The following DTNB variants were observed in gnomAD, a reference collection of about 807,000 sequenced individuals.
The protein encoded by DTNB is dystrobrevin beta.
DTNB carries 63 observed loss-of-function variants against 90.7 expected under a neutral mutation model. The observed-to-expected ratio is 0.69, with a 90% CI of 0.57 to 0.86. The LOEUF (loss-of-function observed/expected upper bound fraction) is 0.86. DTNB is among the 40% of genes least tolerant of loss of function. The pLI, the probability that DTNB is intolerant of heterozygous loss-of-function variation, is 0.00. For missense variants in DTNB, 744 were observed against 807.1 expected, an observed-to-expected ratio of 0.92 and a Z score of 0.95; for synonymous variants, 277 against 286.7, an observed-to-expected ratio of 0.97 and a Z score of 0.34.
At chr2:25,603,114 TA>T (rs1451847737) in intron 5 of DTNB, among the ~76,000 whole-genome samples, 1 of 152,216 alleles carries the variant, frequency 6.6e-6, no homozygotes, top group Non-Finnish European at 1.5e-5. Context: ...TAACGAATTT[TA>T]AAATAAATTT....
chr2:25,634,363 G>C (rs1288598369), intron 3 of DTNB, among the ~76,000 whole-genome samples: 1 of 124,222 alleles, frequency 8.1e-6, no homozygotes, highest in Non-Finnish European at 1.8e-5. Flanking sequence ...CCGGCCAGCC[G>C]CCCCGTCCGG....
At chr2:25,638,234 G>C (rs2148824367) in intron 3 of DTNB, among the ~76,000 whole-genome samples, 1 of 152,318 alleles carries the variant, frequency 6.6e-6, no homozygotes. Flanking sequence ...GGGAGGGATA[G>C]CATTAGGAGA....
At position 25,526,386 on chromosome 2, in the gene DTNB, TATATATATA is replaced by T. The variant is rs376223631; in HGVS notation, c.1001+5078_1001+5086del. ...AAATATATATATATATATATATATA[TATATATATA>T]TTTTTTTTTTTTTAATTGAGACAGA... On this transcript the variant is annotated intron_variant, in intron 9 of 20. Coordinates refer to ENST00000406818, the MANE Select transcript of DTNB (RefSeq NM_021907.5). 1.6e-3 allele frequency among the ~76,000 whole-genome samples: 89 copies of T among 56,060 alleles called. 2 individuals are homozygous for T. Among genetic ancestry groups the T allele is most frequent in the African/African-American group, 7.0e-3 (72 of 10,272 alleles). 36.8% of individuals were successfully genotyped at this position (56,060 alleles called of 152,430 possible). A position where few individuals can be genotyped will look rare whatever the true frequency, so the allele number is the denominator to read the frequency against.
chr2:25,432,482 C>T (rs1476596246), intron 14 of DTNB, among the ~76,000 whole-genome samples: 1 of 152,170 alleles, frequency 6.6e-6, no homozygotes, highest in Non-Finnish European at 1.5e-5. Context: ...TCGGCAGAGC[C>T]CTGCATTGAC....
intron 16 of DTNB, among the ~76,000 whole-genome samples, chr2:25,395,060 T>A (rs1301169764): frequency 6.6e-6 from 1 of 152,186 alleles, no homozygotes; most frequent in Non-Finnish European, 1.5e-5. Flanking sequence ...TAAAAAAGAA[T>A]GAAATAATGG....
intron 6 of DTNB, 22 bp from the exon 7 acceptor site, chr2:25,580,848 A>C (rs1309457074): frequency 1.1e-5 from 18 of 1,592,108 alleles, no homozygotes; most frequent in Non-Finnish European, 1.5e-5. Flanking sequence ...AGAAAAACAA[A>C]CATACTTTAA....
intron 1 of DTNB, among the ~76,000 whole-genome samples, chr2:25,669,074 A>G (rs779590647): frequency 6.6e-6 from 1 of 152,192 alleles, no homozygotes; most frequent in Non-Finnish European, 1.5e-5. Flanking sequence ...AGAGTAGTCG[A>G]ATTCATAGAG....
rs2063964553 is a variant in DTNB at position 25,477,504 on chromosome 2, T to C, written c.1079+5292A>G. ...AAATCTCGCCTTTACCTAAAAGTGC[T>C]AGCAATTAGGACTACTCAGGATTAT... On this transcript the variant is annotated intron_variant, in intron 10 of 20. Transcript: ENST00000406818. 3.3e-5 allele frequency among the ~76,000 whole-genome samples: 5 copies of C among 152,238 alleles called. No individual in the cohort carries two copies. The South Asian group carries it at 1.0e-3, about 31-fold the overall frequency.
intron 12 of DTNB, among the ~76,000 whole-genome samples, chr2:25,449,172 A>G (rs2058888962): frequency 1.3e-5 from 2 of 152,310 alleles, no homozygotes; most frequent in South Asian, 2.1e-4. Context: ...TGCATGTATC[A>G]ATGTTATTCC....
At chr2:25,614,088 C>T (rs531761224) in intron 4 of DTNB, among the ~76,000 whole-genome samples, 244 of 152,198 alleles carry the variant, frequency 1.6e-3, no homozygotes, top group Non-Finnish European at 2.1e-3. Context: ...GAGAGAAAGG[C>T]GATACGACCA....
intron 1 of DTNB, chr2:25,653,126 G>A (rs2081289488): frequency 6.6e-6 from 1 of 152,574 alleles, no homozygotes; most frequent in Admixed American, 6.5e-5. Context: ...AAAGAAATCA[G>A]GTATTAATCC....
intron 2 of DTNB, among the ~76,000 whole-genome samples, chr2:25,646,806 A>G (rs1020415370): frequency 6.6e-6 from 1 of 152,230 alleles, no homozygotes; most frequent in African/African-American, 2.4e-5. Flanking sequence ...TACCTTGGGC[A>G]CATGTTCTCA....
chr2:25,413,496 ATGAG>A (rs1337414090), intron 16 of DTNB, among the ~76,000 whole-genome samples: 3 of 140,566 alleles, frequency 2.1e-5, no homozygotes, highest in African/African-American at 8.0e-5. Context: ...ATTCCCACCT[ATGAG>A]TGAGAACATG....
At chr2:25,596,715 T>C (rs2064736123) in intron 5 of DTNB, among the ~76,000 whole-genome samples, 1 of 152,214 alleles carries the variant, frequency 6.6e-6, no homozygotes, top group South Asian at 2.1e-4. Context: ...GATGATGTAA[T>C]GCATGCCTGT....
chr2:25,521,084 G>A (rs2076050974), intron 9 of DTNB, among the ~76,000 whole-genome samples: 1 of 152,228 alleles, frequency 6.6e-6, no homozygotes, highest in Admixed American at 6.5e-5. Context: ...AATTTTATCT[G>A]AGTCCTTCAG....
intron 12 of DTNB, among the ~76,000 whole-genome samples, chr2:25,446,381 C>T (rs1323036540): frequency 6.6e-6 from 1 of 152,046 alleles, no homozygotes; most frequent in Non-Finnish European, 1.5e-5. Flanking sequence ...TGACTACAGG[C>T]ACATGCCACC....
intron 8 of DTNB, among the ~76,000 whole-genome samples, chr2:25,572,962 T>C (rs1241431741): frequency 2.0e-5 from 3 of 151,548 alleles, no homozygotes; most frequent in Non-Finnish European, 2.9e-5. Context: ...TTTTTTGAGA[T>C]GGAGTTTCAC....
chr2:25,668,683 A>T (rs980955870), intron 1 of DTNB, among the ~76,000 whole-genome samples: 2 of 151,814 alleles, frequency 1.3e-5, no homozygotes, highest in Non-Finnish European at 2.9e-5. Context: ...GAAACTCCAT[A>T]CTATTCAGCC....
chr2:25,540,178 C>T (rs1468769113), intron 8 of DTNB, among the ~76,000 whole-genome samples: 3 of 152,090 alleles, frequency 2.0e-5, no homozygotes, highest in Non-Finnish European at 4.4e-5. Flanking sequence ...CATTTACCAC[C>T]CAAAAAATCC....
Sources: allele counts gnomAD v4.1 joint callset (sites outside exome capture counted in the v4.1 genomes callset), GRCh38; gene constraint gnomAD v4.1.1; transcripts MANE v1.5; gene names NCBI Gene and HGNC (gene_info 2026-07-23, HGNC 2026-07-21).